SEH1L: variants seen among roughly 807,000 people sequenced by gnomAD.
SEH1L encodes nucleoporin SEH1.
Under a neutral mutation model 49.5 loss-of-function variants are expected in SEH1L, and 18 were observed. The ratio of observed to expected loss-of-function variants is 0.36; its 90% CI spans 0.25 to 0.54. The LOEUF (loss-of-function observed/expected upper bound fraction) is 0.54, where lower values mean the gene tolerates loss of function less well. Among genes scored for constraint, SEH1L ranks in the 20% least tolerant of loss-of-function variants. The pLI, the probability that SEH1L is intolerant of heterozygous loss-of-function variation, is 0.87. For missense variants in SEH1L, 404 were observed against 528.8 expected (o/e 0.76, Z 2.31); for synonymous variants, 169 against 178.1 (o/e 0.95, Z 0.41).
intron 3 of SEH1L, among the ~76,000 whole-genome samples, chr18:12,959,051 G>GT (rs2031042633): frequency 6.6e-6 from 1 of 152,180 alleles, no homozygotes; most frequent in Non-Finnish European, 1.5e-5. Context: ...TGACTGTGTT[G>GT]TGAAGTGGCA....
intron 6 of SEH1L, among the ~76,000 whole-genome samples, chr18:12,982,180 T>A (rs910801053): frequency 1.6e-4 from 24 of 152,334 alleles, no homozygotes; most frequent in African/African-American, 4.8e-4. Flanking sequence ...CCTGCCTTTT[T>A]AAATTAATTA....
Position 12,982,629 on chromosome 18 carries a change from G to A in SEH1L, c.873G>A (p.Thr291=), listed in dbSNP as rs765392405. 2 of 1,613,504 alleles carry A rather than the reference G, an allele frequency of 1.2e-6. No individual in the cohort carries two copies. Among genetic ancestry groups the A allele is most frequent in the Admixed American group, 1.7e-5 (1 of 59,990 alleles). ...GAGTGAGTTGGAATATAACAGGAACGGTGCTAGCATCTTCAGGAGATGATG... is the reference window on the plus strand; with the variant it reads ...GAGTGAGTTGGAATATAACAGGAACAGTGCTAGCATCTTCAGGAGATGATG... The part of the protein sequence containing the change: ...VWRVSWNITG[T]VLASSGDDGC... The change falls in exon 7 of 9, where the codon ACG becomes ACA. Residue 291 remains threonine (T), a synonymous_variant. Coordinates refer to ENST00000399892, the MANE Select transcript of SEH1L (RefSeq NM_001013437.2).
Position 12,963,253 on chromosome 18 carries a change from G to A in SEH1L, c.403G>A (p.Ala135Thr), listed in dbSNP as rs772251875. 3.0e-5 allele frequency: 49 copies of A among 1,613,774 alleles called. No homozygotes were observed. The highest frequency in any genetic ancestry group is 1.4e-4 in the South Asian group (13 of 91,084). ...GGGTCTTATGTTAGCAACCTGTTCC[G>A]CAGATGGTATAGTAAGAATCTATGA... ...HMGLMLATCS[A>T]DGIVRIYEAP... Residue 135 changes from alanine to threonine, a missense_variant, in exon 4 of 9, where the codon GCA becomes ACA. Ala to Thr is a moderately conservative substitution (Grantham distance 58, BLOSUM62 0). This residue lies in a region of SEH1L where 342 missense variants were observed against 430.8 expected (regional missense o/e 0.79). Transcript: ENST00000399892.
At chr18:12,962,334 A>T in intron 3 of SEH1L, among the ~76,000 whole-genome samples, 1 of 151,560 alleles carries the variant, frequency 6.6e-6, no homozygotes, top group East Asian at 1.9e-4. Context: ...TGATCATGGT[A>T]CTGTACTCCA....
intron 1 of SEH1L, chr18:12,948,840 TTTC>T (rs908550857): frequency 2.0e-5 from 3 of 151,340 alleles, no homozygotes; most frequent in Admixed American, 6.6e-5. Flanking sequence ...ACAAGCAGAA[TTTC>T]TTTTCTTTTT....
chr18:12,984,004 TA>T (rs777269939), intron 7 of SEH1L, 35 bp from the exon 8 acceptor site: 24 of 1,569,008 alleles, frequency 1.5e-5, no homozygotes, highest in Non-Finnish European at 2.1e-5. Flanking sequence ...GCATTGGTAT[TA>T]ATCATGTTAA....
At chr18:12,986,550 T>G (rs575469340) in intron 8 of SEH1L, 1 of 969,592 alleles carries the variant, frequency 1.0e-6, no homozygotes, top group East Asian at 9.4e-5. Flanking sequence ...AGAAAATGTT[T>G]TGAATTTATA....
At chr18:12,956,037 G>T (rs1472353545) in intron 3 of SEH1L, among the ~76,000 whole-genome samples, 2 of 150,272 alleles carry the variant, frequency 1.3e-5, no homozygotes, top group South Asian at 2.1e-4. Context: ...ACTCTTAAGG[G>T]TTAATAAAAT....
In SEH1L at chr18:12,973,213, G is replaced by A. The variant is rs182054620; in HGVS notation, c.620+1962G>A. Reference sequence around the variant, plus strand: ...AAAAAAGATTTTTTTCTAAAACATAGGAAAAGAAAATATTTCATAAGTAAG... The same window carrying A: ...AAAAAAGATTTTTTTCTAAAACATAAGAAAAGAAAATATTTCATAAGTAAG... On this transcript the variant is annotated intron_variant, in intron 5 of 8. Transcript: ENST00000399892. 8.6e-5 allele frequency: 13 copies of A among 151,774 alleles called. 2 individuals carry two copies. Among genetic ancestry groups the A allele is most frequent in the African/African-American group, 3.1e-4 (13 of 41,368 alleles). The allele number at this position is 151,774 out of a possible 1,614,324, so 9.4% of individuals were successfully genotyped here. A position where few individuals can be genotyped will look rare whatever the true frequency, so the allele number is the denominator to read the frequency against.
intron 3 of SEH1L, among the ~76,000 whole-genome samples, chr18:12,956,951 C>T (rs1296398575): frequency 6.6e-6 from 1 of 152,042 alleles, no homozygotes; most frequent in East Asian, 1.9e-4. Context: ...CCTGTAAGTC[C>T]CAGCTACTCT....
intron 3 of SEH1L, among the ~76,000 whole-genome samples, chr18:12,959,389 C>G (rs1018335301): frequency 3.3e-5 from 5 of 152,088 alleles, no homozygotes; most frequent in African/African-American, 1.2e-4. Flanking sequence ...ATAGAGTTGC[C>G]CAGGCTGGTC....
At chr18:12,961,363 C>T (rs1480511271) in intron 3 of SEH1L, among the ~76,000 whole-genome samples, 4 of 152,178 alleles carry the variant, frequency 2.6e-5, no homozygotes, top group Non-Finnish European at 5.9e-5. Flanking sequence ...CTGGCACTGG[C>T]TGCAACCAAT....
At chr18:12,985,628 T>C (rs773944563) in intron 8 of SEH1L, 67 of 1,004,406 alleles carry the variant, frequency 6.7e-5, no homozygotes, top group Non-Finnish European at 7.6e-5. Context: ...TTGGAAAATA[T>C]AGACATATTT....
chr18:12,953,008 C>T (rs531643787), intron 2 of SEH1L, among the ~76,000 whole-genome samples: 1 of 152,162 alleles, frequency 6.6e-6, no homozygotes, highest in South Asian at 2.1e-4. Flanking sequence ...TCTCGAACTC[C>T]TGACCTCAAG....
At position 12,982,543 on chromosome 18, in the gene SEH1L, C is replaced by G. The variant is rs781079210; in HGVS notation, c.787C>G (p.Pro263Ala). 10 of 1,610,782 alleles carry G rather than the reference C, an allele frequency of 6.2e-6. No individual in the cohort carries two copies. The African/African-American group carries it at 9.4e-5, about 15-fold the overall frequency. The change falls in exon 7 of 9, where the codon CCA (proline) becomes GCA (alanine). Residue 263 changes from proline (P) to alanine (A), a missense_variant. Pro to Ala is a conservative substitution (Grantham distance 27). Transcript: ENST00000399892. ...VRKELTSSGGPTKFEIHIVAQ... is the reference protein window; with the variant it reads ...VRKELTSSGGATKFEIHIVAQ... ...GAAAGAACTGACTTCCTCTGGTGGG[C>G]CAACAAAGTTTGAAATCCATATAGT...
chr18:12,962,725 G>A (rs957838227), intron 3 of SEH1L, among the ~76,000 whole-genome samples: 4 of 151,306 alleles, frequency 2.6e-5, no homozygotes, highest in African/African-American at 7.3e-5. Context: ...TGCCTGCCTC[G>A]GCTTCCCAAA....
At chr18:12,974,921 C>G (rs367760887) in intron 5 of SEH1L, among the ~76,000 whole-genome samples, 4 of 152,176 alleles carry the variant, frequency 2.6e-5, no homozygotes, top group East Asian at 3.8e-4. Flanking sequence ...TTTATTTACA[C>G]TCTCATTGAG....
chr18:12,975,982 A>T, intron 5 of SEH1L: 12 of 635,346 alleles, frequency 1.9e-5, no homozygotes, highest in Non-Finnish European at 2.2e-5. Context: ...TATTTCAGAC[A>T]TATGTTTGAG....
At chr18:12,979,597 C>T (rs1262779698) in intron 6 of SEH1L, among the ~76,000 whole-genome samples, 5 of 152,070 alleles carry the variant, frequency 3.3e-5, no homozygotes, top group Non-Finnish European at 1.5e-5. Context: ...ACCTCCCAGA[C>T]GGGGTGGTGG....
Sources: gnomAD v4.1 joint callset for allele counts (sites outside exome capture counted in the v4.1 genomes callset) on GRCh38, gnomAD v4.1.1 for gene constraint, gnomAD v4.1.1 regional missense constraint, MANE v1.5 for transcripts, NCBI Gene and HGNC (gene_info 2026-07-23, HGNC 2026-07-21) for gene names.